The following DSCAM variants were observed in gnomAD, a reference collection of about 807,000 sequenced individuals.
DSCAM encodes DS cell adhesion molecule.
DSCAM carries 47 observed loss-of-function variants against 217.7 expected under a neutral mutation model. The ratio of observed to expected loss-of-function variants is 0.22; its 90% CI spans 0.17 to 0.28. The LOEUF (loss-of-function observed/expected upper bound fraction) is 0.28, where lower values mean the gene tolerates loss of function less well. Ranked by LOEUF, DSCAM falls within the 10% of genes least tolerant of loss-of-function variation. DSCAM has a pLI of 1.00. For missense variants in DSCAM, 2,080 were observed against 2,618.3 expected, an observed-to-expected ratio of 0.79 and a Z score of 4.49; for synonymous variants, 1,056 against 1,015.3, an observed-to-expected ratio of 1.04 and a Z score of -0.76.
chr21:40,436,703 C>T (rs946922775), intron 3 of DSCAM, among the ~76,000 whole-genome samples: 10 of 152,034 alleles, frequency 6.6e-5, no homozygotes, highest in Non-Finnish European at 1.0e-4. Flanking sequence ...GAAACTAGGC[C>T]GCCCTCGTTA....
intron 1 of DSCAM, among the ~76,000 whole-genome samples, chr21:40,800,726 T>G (rs2091732942): frequency 6.6e-6 from 1 of 150,734 alleles, no homozygotes; most frequent in Non-Finnish European, 1.5e-5. Flanking sequence ...TTTTTTTTTT[T>G]TTTTTTTTAA....
chr21:40,321,752 TC>T (rs923623537), intron 8 of DSCAM, among the ~76,000 whole-genome samples: 6 of 152,088 alleles, frequency 3.9e-5, no homozygotes, highest in Non-Finnish European at 1.5e-5. Flanking sequence ...GTGCTAACTC[TC>T]CGAGGCCTGG....
chr21:40,637,592 T>C (rs2089813919), intron 3 of DSCAM, among the ~76,000 whole-genome samples: 1 of 73,634 alleles, frequency 1.4e-5, no homozygotes, highest in African/African-American at 5.3e-5. Flanking sequence ...TATACATATA[T>C]AAATATATAT....
intron 20 of DSCAM, among the ~76,000 whole-genome samples, chr21:40,097,406 T>C (rs984257912): frequency 6.6e-6 from 1 of 151,792 alleles, no homozygotes; most frequent in Non-Finnish European, 1.5e-5. Flanking sequence ...ATAAAGCTAA[T>C]GAACTAATAA....
chr21:40,787,377 C>G (rs886947370), intron 1 of DSCAM, among the ~76,000 whole-genome samples: 3 of 152,204 alleles, frequency 2.0e-5, no homozygotes, highest in African/African-American at 4.8e-5. Flanking sequence ...CACTGGACTT[C>G]TGTAATCTCT....
chr21:40,692,005 G>A (rs1259458708), intron 3 of DSCAM, among the ~76,000 whole-genome samples: 4 of 152,196 alleles, frequency 2.6e-5, no homozygotes, highest in Non-Finnish European at 5.9e-5. Context: ...GTGTGCACCC[G>A]CATGTGAGGG....
intron 11 of DSCAM, among the ~76,000 whole-genome samples, chr21:40,226,372 T>A (rs2091332956): frequency 6.6e-6 from 1 of 152,222 alleles, no homozygotes; most frequent in African/African-American, 2.4e-5. Context: ...AAACAGAAAT[T>A]TCTCCCTTGA....
At chr21:40,544,922 A>C (rs2146140627) in intron 3 of DSCAM, among the ~76,000 whole-genome samples, 1 of 152,204 alleles carries the variant, frequency 6.6e-6, no homozygotes, top group East Asian at 1.9e-4. Flanking sequence ...TTTCCAAAAA[A>C]AAAAAAAGGT....
chr21:40,617,695 C>T (rs981087748), intron 3 of DSCAM, among the ~76,000 whole-genome samples: 3 of 152,208 alleles, frequency 2.0e-5, no homozygotes, highest in Non-Finnish European at 4.4e-5. Context: ...CCCTCCCAGT[C>T]GTTATGGTTG....
At chr21:40,615,790 A>AT (rs1299384290) in intron 3 of DSCAM, among the ~76,000 whole-genome samples, 2 of 152,158 alleles carry the variant, frequency 1.3e-5, no homozygotes, top group Non-Finnish European at 2.9e-5. Context: ...CAAAAATGTG[A>AT]TATGGGCAGT....
rs1177445279 is a variant in DSCAM, at chr21:40,296,077, G to T, written c.2160C>A (p.Thr720=). 3.7e-6 allele frequency: 6 copies of T among 1,613,850 alleles called. No individual in the cohort carries two copies. Among genetic ancestry groups the T allele is most frequent in the Non-Finnish European group, 5.1e-6 (6 of 1,179,880 alleles). The change falls in exon 10 of 33, where the codon ACC becomes ACA. Residue 720 remains threonine (T), a synonymous_variant. Coordinates refer to ENST00000400454, the MANE Select transcript of DSCAM (RefSeq NM_001389.5). ...TACCTTTAGAGAATTTCCACACGAT[G>T]GTAGGTACAGGGTAACCCTCAGCAG... ...NCSAEGYPVP[T]IVWKFSKGAG... is the part of the protein sequence containing the mutation.
chr21:40,093,785 C>A lies in DSCAM; in HGVS notation c.3786G>T (p.Val1262=), dbSNP rs1426241278. ...SRNRQYSVWV[V]AVTSAGRGNS... is the part of the protein sequence containing the mutation. ...TGCCTCTTCCGGCTGAAGTAACAGC[C>A]ACCACCCAGACGCTGTACTGACGAT... The change falls in exon 21 of 33, where the codon GTG becomes GTT. Residue 1262 remains valine (V), a synonymous_variant. Coordinates refer to ENST00000400454, the MANE Select transcript of DSCAM (RefSeq NM_001389.5). 8 of 1,613,870 alleles carry A rather than the reference C, an allele frequency of 5.0e-6. No individual in the cohort carries two copies. In the East Asian group the frequency reaches 6.7e-5, roughly 13 times the overall value.
intron 14 of DSCAM, among the ~76,000 whole-genome samples, chr21:40,183,504 T>C (rs1000404657): frequency 1.3e-5 from 2 of 152,162 alleles, no homozygotes; most frequent in Non-Finnish European, 2.9e-5. Context: ...GGAGATACAA[T>C]AACAAGGACT....
chr21:40,182,270 AG>A (rs1399085414), intron 14 of DSCAM, among the ~76,000 whole-genome samples: 1 of 152,098 alleles, frequency 6.6e-6, no homozygotes, highest in Non-Finnish European at 1.5e-5. Flanking sequence ...GGGACACAGG[AG>A]AGCCCCTTGT....
chr21:40,171,073 C>G (rs2090651701), intron 15 of DSCAM, among the ~76,000 whole-genome samples: 1 of 152,054 alleles, frequency 6.6e-6, no homozygotes, highest in African/African-American at 2.4e-5. Context: ...CCAATCTGGT[C>G]TGGTATTTAT....
At chr21:40,292,435 T>C (rs576077539) in intron 10 of DSCAM, among the ~76,000 whole-genome samples, 43 of 151,974 alleles carry the variant, frequency 2.8e-4, no homozygotes, top group African/African-American at 9.4e-4. Flanking sequence ...TCTTAAGAAA[T>C]AGATTTACTG....
At chr21:40,178,306 G>T (rs892764133) in intron 15 of DSCAM, among the ~76,000 whole-genome samples, 1 of 152,156 alleles carries the variant, frequency 6.6e-6, no homozygotes, top group South Asian at 2.1e-4. Flanking sequence ...AGTTATCACT[G>T]CCTGTTCCTG....
chr21:40,359,279 C>T (rs546909928), intron 4 of DSCAM, among the ~76,000 whole-genome samples: 18 of 152,274 alleles, frequency 1.2e-4, no homozygotes, highest in Non-Finnish European at 2.5e-4. Flanking sequence ...CTTAAGAATG[C>T]CCCCTCAGTG....
chr21:40,461,036 G>A (rs2075801634), intron 3 of DSCAM, among the ~76,000 whole-genome samples: 2 of 152,048 alleles, frequency 1.3e-5, no homozygotes, highest in South Asian at 4.1e-4. Context: ...AGTTGCAAAA[G>A]AATTGAACAC....
Sources: gnomAD v4.1 joint callset for allele counts (sites outside exome capture counted in the v4.1 genomes callset) on GRCh38, gnomAD v4.1.1 for gene constraint, MANE v1.5 for transcripts, NCBI Gene and HGNC (gene_info 2026-07-23, HGNC 2026-07-21) for gene names.